The following MLF1 variants were observed in gnomAD, a reference collection of about 807,000 sequenced individuals.
The protein encoded by MLF1 is myelodysplasia-myeloid leukemia factor 1.
A neutral mutation model predicts 38.3 loss-of-function variants in MLF1; 37 were observed. The ratio of observed to expected loss-of-function variants is 0.96; its 90% CI spans 0.74 to 1.27. The LOEUF (loss-of-function observed/expected upper bound fraction) is 1.27. MLF1 is among the 50% of genes most tolerant of loss of function. MLF1 has a pLI of 0.00. For synonymous variants in MLF1, 95 were observed against 106.5 expected, an observed-to-expected ratio of 0.89 and a Z score of 0.66; for missense variants, 331 against 349.2, an observed-to-expected ratio of 0.95 and a Z score of 0.42.
intron 6 of MLF1, among the ~76,000 whole-genome samples, chr3:158,602,102 C>T (rs1719879162): frequency 6.6e-6 from 1 of 152,074 alleles, no homozygotes. Context: ...AGGCGTGAGC[C>T]ACCACACCTG....
intron 1 of MLF1, among the ~76,000 whole-genome samples, chr3:158,580,319 T>C (rs1576647856): frequency 6.6e-6 from 1 of 150,700 alleles, no homozygotes; most frequent in East Asian, 1.9e-4. Flanking sequence ...TTTTGTGAGG[T>C]GGAAAAAAAA....
chr3:158,587,313 T>C lies in MLF1; in HGVS notation c.48-5121T>C, dbSNP rs977133040. 2.6e-5 allele frequency among the ~76,000 whole-genome samples: 4 copies of C among 152,318 alleles called. 1 individual carries two copies. Among genetic ancestry groups the C allele is most frequent in the Middle Eastern group, 6.8e-3 (2 of 294 alleles). On this transcript the variant is annotated intron_variant, in intron 1 of 7. Transcript: ENST00000466246. ...TAGGGAGCAGTGCTTTTTAACATTT[T>C]AATGTCATTCATTTTTAAAAGGTGT...
chr3:158,605,109 A>G lies in MLF1; in HGVS notation c.759A>G (p.Gln253=). 6.2e-7 allele frequency: 1 copy of G among 1,612,972 alleles called. No homozygotes were observed. The highest frequency in any genetic ancestry group is 8.5e-7 in the Non-Finnish European group (1 of 1,179,354). ...GTATATTTCTCAGGGAGAAACCTCA[A>G]CAAAGTCCAGCCATTGAACATGGAA... The part of the protein sequence containing the change: ...SRELKRREKP[Q]QSPAIEHGRR... Residue 253 remains glutamine (Q), a synonymous_variant, in exon 8 of 8, where the codon CAA becomes CAG. Coordinates refer to ENST00000466246, the MANE Select transcript of MLF1 (RefSeq NM_001369783.1).
At chr3:158,593,053 T>C (rs541324544) in intron 2 of MLF1, among the ~76,000 whole-genome samples, 1 of 152,168 alleles carries the variant, frequency 6.6e-6, no homozygotes, top group African/African-American at 2.4e-5. Context: ...TTTGCTTGTA[T>C]CTCAAAAGCC....
chr3:158,605,024 A>G, intron 7 of MLF1, 73 bp from the exon 8 acceptor site: 1 of 1,095,942 alleles, frequency 9.1e-7, no homozygotes, highest in Non-Finnish European at 1.3e-6. Context: ...GTGGTTTTTA[A>G]CATGTTTGTA....
chr3:158,594,855 A>C (rs564688375), intron 3 of MLF1, among the ~76,000 whole-genome samples: 44 of 152,260 alleles, frequency 2.9e-4, no homozygotes, highest in African/African-American at 1.0e-3. Flanking sequence ...TGAGGTGGTC[A>C]AAACAATCAT....
Position 158,584,360 on chromosome 3 carries a change from C to T in MLF1, c.48-8074C>T, listed in dbSNP as rs368185493. Among the ~76,000 whole-genome samples, 111 of 152,228 alleles carry T rather than the reference C, an allele frequency of 7.3e-4. 3 individuals are homozygous for T. The South Asian group carries it at 0.022, about 30-fold the overall frequency. On this transcript the variant is annotated intron_variant, in intron 1 of 7. Transcript: ENST00000466246. ...CTACCACGCAAGAGACAGAATTTGA[C>T]CTTTAAGGCTAACCAGATTAATTAC...
At chr3:158,578,595 C>T (rs1560096618) in intron 1 of MLF1, among the ~76,000 whole-genome samples, 1 of 151,950 alleles carries the variant, frequency 6.6e-6, no homozygotes, top group African/African-American at 2.4e-5. Context: ...GACATAAACA[C>T]TTTTGAAGGG....
chr3:158,575,656 G>T (rs1348519914), intron 1 of MLF1, among the ~76,000 whole-genome samples: 1 of 152,114 alleles, frequency 6.6e-6, no homozygotes, highest in Non-Finnish European at 1.5e-5. Flanking sequence ...TATTATCCCT[G>T]TTGCTAACAT....
At chr3:158,587,872 G>A (rs998703428) in intron 1 of MLF1, among the ~76,000 whole-genome samples, 4 of 152,194 alleles carry the variant, frequency 2.6e-5, no homozygotes, top group Admixed American at 1.3e-4. Context: ...CTGGCGGCGT[G>A]CGCCTGTAGT....
At chr3:158,572,859 G>A (rs189974238) in intron 1 of MLF1, among the ~76,000 whole-genome samples, 8 of 151,454 alleles carry the variant, frequency 5.3e-5, no homozygotes, top group Non-Finnish European at 1.2e-4. Context: ...CCCCAGGTAG[G>A]GGGAGGAGGA....
chr3:158,599,256 T>C (rs1576686028), intron 5 of MLF1, among the ~76,000 whole-genome samples: 1 of 152,200 alleles, frequency 6.6e-6, no homozygotes, highest in Non-Finnish European at 1.5e-5. Flanking sequence ...TTGTAGGGTA[T>C]GTGTACTTTC....
rs903237952 is a variant in MLF1, at chr3:158,592,577, T to G, written c.191T>G (p.Leu64Trp). The G allele has an allele frequency of 8.1e-6, 13 of 1,597,218 alleles. No individual in the cohort carries two copies. Among genetic ancestry groups the G allele is most frequent in the Non-Finnish European group, 1.1e-5 (13 of 1,175,366 alleles). ...RRGHNDGEDS[L>W]TATSCSLVPF... ...GGACATAATGATGGTGAAGATTCTT[T>G]GACTGTAAGTTCTTTTTTTTAAGAC... Residue 64 changes from leucine to tryptophan, a missense_variant, in exon 2 of 8, where the codon TTG becomes TGG. Leu to Trp is a moderately conservative substitution (Grantham distance 61, BLOSUM62 -2). Transcript: ENST00000466246.
intron 2 of MLF1, among the ~76,000 whole-genome samples, chr3:158,593,144 A>G (rs563123367): frequency 1.2e-4 from 18 of 152,196 alleles, no homozygotes; most frequent in Middle Eastern, 6.8e-3. Context: ...AAAATTAAAA[A>G]AAAAACAGGA....
Position 158,582,759 on chromosome 3 carries a change from A to G in MLF1, c.48-9675A>G, listed in dbSNP as rs577974469. ...GTATCCTGCAAAATTATCCTTTAAA[A>G]GTCAAGAAGAAATAGACTGTCTCAG... On this transcript the variant is annotated intron_variant, in intron 1 of 7. Coordinates refer to ENST00000466246, the MANE Select transcript of MLF1 (RefSeq NM_001369783.1). The G allele has an allele frequency of 5.0e-5, 28 of 562,624 alleles. No homozygotes were observed. In the East Asian group the frequency reaches 8.3e-4, roughly 17 times the overall value. 34.9% of individuals were successfully genotyped at this position (562,624 alleles called of 1,614,324 possible).
At chr3:158,582,906 A>C in intron 1 of MLF1, 1 of 691,974 alleles carries the variant, frequency 1.4e-6, no homozygotes, top group Non-Finnish European at 2.6e-6. Context: ...TTAAAAAAGC[A>C]AGAGCATCAG....
At chr3:158,575,348 A>G (rs187046103) in intron 1 of MLF1, among the ~76,000 whole-genome samples, 48 of 152,294 alleles carry the variant, frequency 3.2e-4, no homozygotes, top group African/African-American at 1.1e-3. Context: ...CATTACCACC[A>G]TATTACAGTT....
intron 1 of MLF1, 105 bp from the exon 2 acceptor site, chr3:158,592,329 C>T (rs1029593019): frequency 3.2e-6 from 3 of 923,112 alleles, no homozygotes; most frequent in South Asian, 4.7e-5. Context: ...CTTCTTTTAT[C>T]TAACAAACAT....
intron 7 of MLF1, among the ~76,000 whole-genome samples, chr3:158,603,673 A>G (rs1720114834): frequency 1.3e-5 from 2 of 152,078 alleles, no homozygotes; most frequent in Non-Finnish European, 2.9e-5. Context: ...CCCCGTCTCT[A>G]CTAAAAATAC....
Sources: allele counts gnomAD v4.1 joint callset (sites outside exome capture counted in the v4.1 genomes callset), GRCh38; gene constraint gnomAD v4.1.1; transcripts MANE v1.5; gene names NCBI Gene and HGNC (gene_info 2026-07-23, HGNC 2026-07-21).